ASXL2: variants seen among roughly 807,000 people sequenced by gnomAD.
The protein encoded by ASXL2 is putative Polycomb group protein ASXL2.
ASXL2 carries 23 observed loss-of-function variants against 122.0 expected under a neutral mutation model. The observed-to-expected ratio is 0.19, with a 90% confidence interval of 0.14 to 0.27. The LOEUF (loss-of-function observed/expected upper bound fraction) is 0.27, where lower values mean the gene tolerates loss of function less well. Ranked by LOEUF, ASXL2 falls within the 10% of genes least tolerant of loss-of-function variation. ASXL2 has a pLI of 1.00. For synonymous variants in ASXL2, 650 were observed against 637.0 expected (o/e 1.02, Z -0.31); for missense variants, 1,518 against 1,713.8 (o/e 0.89, Z 2.02).
intron 9 of ASXL2, among the ~76,000 whole-genome samples, chr2:25,757,188 T>C (rs1376470694): frequency 6.6e-6 from 1 of 152,116 alleles, no homozygotes; most frequent in Non-Finnish European, 1.5e-5. Flanking sequence ...GCTTCCAACT[T>C]TTCATTCTTT....
intron 1 of ASXL2, among the ~76,000 whole-genome samples, chr2:25,867,547 T>C (rs1376807250): frequency 6.6e-6 from 1 of 151,802 alleles, no homozygotes; most frequent in Admixed American, 6.6e-5. Context: ...CAAAAGAAAG[T>C]TTTATCTCCT....
chr2:25,857,155 T>C (rs567760046), intron 1 of ASXL2, among the ~76,000 whole-genome samples: 2 of 150,866 alleles, frequency 1.3e-5, no homozygotes, highest in East Asian at 3.9e-4. Flanking sequence ...CTTTCCAATA[T>C]GTGGTAAGCC....
At chr2:25,841,872 G>A (rs1482734162) in intron 2 of ASXL2, among the ~76,000 whole-genome samples, 1 of 151,626 alleles carries the variant, frequency 6.6e-6, no homozygotes, top group African/African-American at 2.4e-5. Flanking sequence ...GCATGAACCC[G>A]GGAGGCAGAG....
At chr2:25,871,757 TAATTTGAAATTAACACAA>T in intron 1 of ASXL2, among the ~76,000 whole-genome samples, 1 of 152,342 alleles carries the variant, frequency 6.6e-6, no homozygotes, top group South Asian at 2.1e-4. Context: ...CACACCTGGC[TAATTTGAAATTAACACAA>T]AATTTATGCA....
chr2:25,836,627 G>C (rs2089514974), intron 2 of ASXL2, among the ~76,000 whole-genome samples: 2 of 152,140 alleles, frequency 1.3e-5, no homozygotes, highest in South Asian at 4.1e-4. Flanking sequence ...CCCAGACAGA[G>C]GTAAAATCTC....
intron 3 of ASXL2, among the ~76,000 whole-genome samples, chr2:25,834,449 A>G (rs185929886): frequency 6.6e-6 from 1 of 152,324 alleles, no homozygotes; most frequent in Admixed American, 6.5e-5. Flanking sequence ...TTTTTTAATT[A>G]TAATTTTAAC....
rs150847324 is a variant in ASXL2, at chr2:25,740,817, TTG to T, written c.*1210_*1211del. The stretch of plus-strand genomic sequence containing the variant: ...TCTAAAACAGGAAAAATGTCTTGTA[TTG>T]TGTGTGTGTGTGTACATACACGTAT... On this transcript the variant is annotated 3_prime_UTR_variant, in exon 13 of 13. Coordinates refer to ENST00000435504, the MANE Select transcript of ASXL2 (RefSeq NM_018263.6). 3.5e-3 allele frequency: 677 copies of T among 191,404 alleles called. No individual in the cohort carries two copies. Among genetic ancestry groups the T allele is most frequent in the Middle Eastern group, 0.017 (9 of 524 alleles). The allele number at this position is 191,404 out of a possible 1,614,324, so 11.9% of individuals were successfully genotyped here.
intron 4 of ASXL2, among the ~76,000 whole-genome samples, chr2:25,799,961 A>G (rs1196499598): frequency 1.3e-5 from 2 of 148,802 alleles, no homozygotes; most frequent in Admixed American, 6.8e-5. Context: ...CCTGGGCAAC[A>G]TGGTGAAACC....
intron 9 of ASXL2, among the ~76,000 whole-genome samples, chr2:25,758,538 G>A (rs1039045817): frequency 2.0e-5 from 3 of 152,132 alleles, no homozygotes; most frequent in African/African-American, 7.2e-5. Flanking sequence ...TCAGAAGGGG[G>A]AGTGACTGGG....
At chr2:25,792,804 C>T (rs866214399) in intron 5 of ASXL2, among the ~76,000 whole-genome samples, 1 of 151,804 alleles carries the variant, frequency 6.6e-6, no homozygotes, top group African/African-American at 2.4e-5. Flanking sequence ...AGGGGTTTCA[C>T]CATGTTGACC....
At chr2:25,773,155 C>T (rs922313753) in intron 5 of ASXL2, among the ~76,000 whole-genome samples, 10 of 151,310 alleles carry the variant, frequency 6.6e-5, no homozygotes, top group Admixed American at 5.3e-4. Context: ...TTGCAGTGAG[C>T]CGAGATCGCA....
intron 3 of ASXL2, among the ~76,000 whole-genome samples, chr2:25,819,838 T>A (rs1008794430): frequency 9.2e-5 from 14 of 152,252 alleles, no homozygotes; most frequent in Non-Finnish European, 1.9e-4. Context: ...TTAACTATTT[T>A]ACCCTGTAGT....
chr2:25,762,104 C>T (rs1312394187), intron 8 of ASXL2, among the ~76,000 whole-genome samples: 1 of 151,834 alleles, frequency 6.6e-6, no homozygotes, highest in East Asian at 1.9e-4. Flanking sequence ...TGTTGTATTT[C>T]CACTGTTCTG....
At chr2:25,853,728 C>T (rs1294929517) in intron 1 of ASXL2, among the ~76,000 whole-genome samples, 4 of 151,814 alleles carry the variant, frequency 2.6e-5, no homozygotes, top group South Asian at 2.1e-4. Flanking sequence ...ACTGCAGCCT[C>T]GAACTCCTGG....
intron 1 of ASXL2, among the ~76,000 whole-genome samples, chr2:25,866,141 T>C (rs1182707277): frequency 2.0e-5 from 3 of 151,694 alleles, no homozygotes; most frequent in East Asian, 1.9e-4. Context: ...TTTCTTTTTT[T>C]TTTTTTTTGA....
intron 1 of ASXL2, among the ~76,000 whole-genome samples, chr2:25,845,988 G>A (rs1415323344): frequency 2.0e-5 from 3 of 152,198 alleles, no homozygotes; most frequent in Non-Finnish European, 4.4e-5. Flanking sequence ...TCCGAAAATG[G>A]TAGCAGGTGG....
chr2:25,868,432 G>A (rs537865542), intron 1 of ASXL2, among the ~76,000 whole-genome samples: 4 of 152,342 alleles, frequency 2.6e-5, no homozygotes, highest in East Asian at 3.9e-4. Flanking sequence ...CCAAAAGATG[G>A]ATCAGCTTAC....
At chr2:25,781,060 A>G (rs1011473531) in intron 5 of ASXL2, among the ~76,000 whole-genome samples, 5 of 45,788 alleles carry the variant, frequency 1.1e-4, no homozygotes, top group East Asian at 8.5e-4. Flanking sequence ...CTCCATCTCC[A>G]AAAAAAAAAA....
At chr2:25,824,833 C>T (rs566430533) in intron 3 of ASXL2, among the ~76,000 whole-genome samples, 1 of 152,172 alleles carries the variant, frequency 6.6e-6, no homozygotes, top group South Asian at 2.1e-4. Flanking sequence ...AGCATCATGA[C>T]ATTTTCACTA....
Sources: gnomAD v4.1 joint callset for allele counts (sites outside exome capture counted in the v4.1 genomes callset) on GRCh38, gnomAD v4.1.1 for gene constraint, MANE v1.5 for transcripts, NCBI Gene and HGNC (gene_info 2026-07-23, HGNC 2026-07-21) for gene names.